Variants in SMOC2 observed in about 807,000 individuals in gnomAD.
SMOC2 encodes SPARC related modular calcium binding 2.
A neutral mutation model predicts 61.4 loss-of-function variants in SMOC2; 39 were observed. The observed-to-expected ratio is 0.64, with a 90% CI of 0.49 to 0.83. SMOC2 has a LOEUF of 0.83. SMOC2 is among the 40% of genes least tolerant of loss of function. The probability of loss-of-function intolerance (pLI) is 0.00; values close to 1 mark genes in which losing one functional copy is unlikely to be tolerated. For missense variants in SMOC2, 556 were observed against 592.9 expected, an observed-to-expected ratio of 0.94 and a Z score of 0.65; for synonymous variants, 247 against 239.9, an observed-to-expected ratio of 1.03 and a Z score of -0.27.
At chr6:168,491,361 C>T (rs2115032914) in intron 1 of SMOC2, among the ~76,000 whole-genome samples, 1 of 152,300 alleles carries the variant, frequency 6.6e-6, no homozygotes, top group African/African-American at 2.4e-5. Flanking sequence ...GTTTCCATAA[C>T]ATCCGAATCA....
chr6:168,496,165 G>A (rs1230477189), intron 1 of SMOC2, among the ~76,000 whole-genome samples: 2 of 152,146 alleles, frequency 1.3e-5, no homozygotes, highest in Non-Finnish European at 2.9e-5. Flanking sequence ...GGATTTGTTC[G>A]ATTGGTCACA....
chr6:168,553,289 T>C lies in SMOC2; in HGVS notation c.637+4086T>C, dbSNP rs1486015440. ...AAAGTGCATTACTCAGTTTTTCCCA[T>C]CAATATAAAATTGTGTTACTTCTTT... On this transcript the variant is annotated intron_variant, in intron 7 of 12. Coordinates refer to ENST00000356284, the MANE Select transcript of SMOC2 (RefSeq NM_001166412.2). The surrounding 1 kb of genome is among the most constrained non-coding windows in gnomAD (Gnocchi z 4.2). Among the ~76,000 whole-genome samples, 1 of 152,212 alleles carries C rather than the reference T, an allele frequency of 6.6e-6. No homozygotes were observed. The highest frequency in any genetic ancestry group is 1.5e-5 in the Non-Finnish European group (1 of 68,036).
At chr6:168,656,558 A>G (rs1787330394) in intron 11 of SMOC2, among the ~76,000 whole-genome samples, 1 of 150,502 alleles carries the variant, frequency 6.6e-6, no homozygotes, top group Admixed American at 6.6e-5. Context: ...AGAAAAGGAA[A>G]AAAAAAAAAC....
intron 5 of SMOC2, 81 bp from the exon 6 acceptor site, chr6:168,547,038 A>T: frequency 1.9e-6 from 3 of 1,555,002 alleles, no homozygotes; most frequent in Non-Finnish European, 2.7e-6. Context: ...GCAAGTCCTC[A>T]GCATCCACCC....
intron 1 of SMOC2, among the ~76,000 whole-genome samples, chr6:168,474,134 G>T (rs879921126): frequency 7.2e-5 from 11 of 152,256 alleles, no homozygotes; most frequent in Middle Eastern, 3.4e-3. Flanking sequence ...ATTCAATAGT[G>T]AGCATTTAGC....
At chr6:168,625,063 GC>G (rs946458003) in intron 9 of SMOC2, among the ~76,000 whole-genome samples, 1 of 152,146 alleles carries the variant, frequency 6.6e-6, no homozygotes, top group African/African-American at 2.4e-5. Flanking sequence ...CCCCGACCCT[GC>G]CCCCTGGACA....
chr6:168,592,240 C>T (rs533727176), intron 7 of SMOC2, among the ~76,000 whole-genome samples: 7 of 152,276 alleles, frequency 4.6e-5, no homozygotes, highest in South Asian at 2.1e-4. Context: ...CTTTTTCCTG[C>T]GCCCTTCATG....
intron 1 of SMOC2, among the ~76,000 whole-genome samples, chr6:168,451,626 T>TCTCTCTCC (rs1554280350): frequency 4.0e-5 from 6 of 150,260 alleles, no homozygotes; most frequent in Middle Eastern, 3.5e-3. Flanking sequence ...TCTCTCTCTC[T>TCTCTCTCC]CTCCCTCCCT....
intron 8 of SMOC2, among the ~76,000 whole-genome samples, chr6:168,601,045 A>AG (rs1245580307): frequency 5.3e-5 from 8 of 152,262 alleles, no homozygotes; most frequent in Admixed American, 3.3e-4. Flanking sequence ...TGATCTCTTA[A>AG]ATGTTATCAA....
chr6:168,448,357 G>A (rs1781378476), intron 1 of SMOC2, among the ~76,000 whole-genome samples: 1 of 151,956 alleles, frequency 6.6e-6, no homozygotes, highest in South Asian at 2.1e-4. Flanking sequence ...TGGGGAGGAG[G>A]ATGGAGATGG....
intron 5 of SMOC2, among the ~76,000 whole-genome samples, chr6:168,546,328 C>A (rs946859839): frequency 1.3e-5 from 2 of 151,280 alleles, no homozygotes; most frequent in Non-Finnish European, 2.9e-5. Flanking sequence ...CTGGGTGGGG[C>A]CCTGAGTGTC....
At chr6:168,568,353 G>A (rs1447133721) in intron 7 of SMOC2, among the ~76,000 whole-genome samples, 5 of 152,180 alleles carry the variant, frequency 3.3e-5, no homozygotes, top group Admixed American at 6.5e-5. Flanking sequence ...TGCAGAAAGC[G>A]CAGAGTTTCC....
intron 1 of SMOC2, among the ~76,000 whole-genome samples, chr6:168,449,484 A>G (rs1781411564): frequency 1.3e-5 from 2 of 152,202 alleles, no homozygotes; most frequent in African/African-American, 4.8e-5. Flanking sequence ...GATCTGGATG[A>G]AAAAGAATCA....
intron 7 of SMOC2, among the ~76,000 whole-genome samples, chr6:168,585,556 T>C (rs528572417): frequency 6.6e-6 from 1 of 152,358 alleles, no homozygotes; most frequent in Admixed American, 6.5e-5. Context: ...CATGTTTTCA[T>C]GATGCTGGGG....
intron 7 of SMOC2, among the ~76,000 whole-genome samples, chr6:168,549,698 A>C (rs1351309131): frequency 1.3e-5 from 2 of 152,186 alleles, no homozygotes; most frequent in African/African-American, 4.8e-5. Flanking sequence ...TTCAGGGGTC[A>C]GCTGTAAATA....
intron 7 of SMOC2, 138 bp downstream of exon 7, chr6:168,549,341 A>G: frequency 1.4e-6 from 1 of 698,516 alleles, no homozygotes; most frequent in Non-Finnish European, 2.4e-6. Flanking sequence ...ACCTGGCACA[A>G]ACATCTGAGG....
chr6:168,565,238 C>T (rs562607865), intron 7 of SMOC2, among the ~76,000 whole-genome samples: 1 of 152,206 alleles, frequency 6.6e-6, no homozygotes, highest in Admixed American at 6.5e-5. Context: ...GCTAGGGCTG[C>T]TGTAACAAGT....
chr6:168,463,376 C>T (rs559537898), intron 1 of SMOC2, among the ~76,000 whole-genome samples: 3 of 152,226 alleles, frequency 2.0e-5, no homozygotes, highest in East Asian at 1.9e-4. Context: ...CCCGTTGCTG[C>T]GTATGTGCTG....
chr6:168,559,729 C>T (rs1784351706), intron 7 of SMOC2, among the ~76,000 whole-genome samples: 1 of 152,098 alleles, frequency 6.6e-6, no homozygotes, highest in Non-Finnish European at 1.5e-5. Context: ...CAACAGCAAC[C>T]CTCTCCCTAG....
Sources: allele counts gnomAD v4.1 joint callset (sites outside exome capture counted in the v4.1 genomes callset), GRCh38; gene constraint gnomAD v4.1.1; non-coding constraint Gnocchi (gnomAD v3.1); transcripts MANE v1.5; gene names NCBI Gene and HGNC (gene_info 2026-07-23, HGNC 2026-07-21).